Variants in SYNPO2 observed in about 807,000 individuals in gnomAD.
The protein encoded by SYNPO2 is synaptopodin 2.
A neutral mutation model predicts 85.0 loss-of-function variants in SYNPO2; 56 were observed. That is an observed-to-expected ratio of 0.66 (90% CI 0.53 to 0.82). SYNPO2 has a LOEUF of 0.82. Among genes scored for constraint, SYNPO2 ranks in the 40% least tolerant of loss-of-function variants. The pLI, the probability that SYNPO2 is intolerant of heterozygous loss-of-function variation, is 0.00. For synonymous variants in SYNPO2, 602 were observed against 591.1 expected (o/e 1.02, Z -0.27); for missense variants, 1,575 against 1,534.2 (o/e 1.03, Z -0.44).
chr4:118,876,691 TTCTTTCTTTCTTTC>T (rs905998532), intron 1 of SYNPO2, among the ~76,000 whole-genome samples: 2 of 97,462 alleles, frequency 2.1e-5, no homozygotes, highest in Non-Finnish European at 4.4e-5. Context: ...CTTTCTTTCT[TTCTTTCTTTCTTTC>T]TTTCTTTCTT....
rs967727450 is a variant in SYNPO2, at chr4:119,059,621, T to G, written c.*1687T>G. On this transcript the variant is annotated 3_prime_UTR_variant, in exon 5 of 5. Transcript: ENST00000307142. ...GTTTTTTAAAGGTGATAATTTTGCT[T>G]TGTGTTACTTTTTTGCTCTTGAATG... The G allele has an allele frequency of 6.6e-6, 1 of 152,216 alleles. No individual in the cohort carries two copies. The highest frequency in any genetic ancestry group is 2.4e-5 in the African/African-American group (1 of 41,464). The allele number at this position is 152,216 out of a possible 1,614,324, so 9.4% of individuals were successfully genotyped here.
intron 4 of SYNPO2, chr4:119,033,753 TA>T (rs560787924): frequency 2.0e-6 from 2 of 984,932 alleles, no homozygotes; most frequent in Non-Finnish European, 2.4e-6. Context: ...GTCCATATTT[TA>T]AAAAAATCTT....
intron 1 of SYNPO2, among the ~76,000 whole-genome samples, chr4:118,930,988 C>T (rs1023829643): frequency 6.6e-6 from 1 of 151,206 alleles, no homozygotes; most frequent in South Asian, 2.1e-4. Flanking sequence ...ATTCTTTACC[C>T]ACAGGGATGA....
intron 1 of SYNPO2, among the ~76,000 whole-genome samples, chr4:118,941,457 T>C (rs1420596762): frequency 6.6e-6 from 1 of 152,206 alleles, no homozygotes; most frequent in African/African-American, 2.4e-5. Context: ...GAATCAAATA[T>C]TTAATGGCTT....
At chr4:118,927,874 TG>T (rs1229331820) in intron 1 of SYNPO2, among the ~76,000 whole-genome samples, 1 of 152,170 alleles carries the variant, frequency 6.6e-6, no homozygotes, top group Non-Finnish European at 1.5e-5. Flanking sequence ...TGCCTGTATG[TG>T]TTGTACTGGC....
intron 1 of SYNPO2, among the ~76,000 whole-genome samples, chr4:118,947,817 A>G (rs1251042951): frequency 3.3e-5 from 5 of 152,202 alleles, no homozygotes; most frequent in Non-Finnish European, 7.4e-5. Context: ...ACATATAAGT[A>G]ATATATGCCT....
upstream of SYNPO2, among the ~76,000 whole-genome samples, chr4:118,884,244 C>T (rs922684980): frequency 2.0e-4 from 30 of 152,150 alleles, no homozygotes; most frequent in Non-Finnish European, 3.7e-4. Flanking sequence ...TTCTGGCATA[C>T]CCAGAAAGAC....
intron 1 of SYNPO2, among the ~76,000 whole-genome samples, chr4:118,918,541 G>T (rs1733432272): frequency 6.6e-6 from 1 of 152,096 alleles, no homozygotes; most frequent in African/African-American, 2.4e-5. Context: ...TGGAGAATTG[G>T]CTGCAAACTG....
At chr4:119,041,021 A>G (rs1738695652) in intron 4 of SYNPO2, among the ~76,000 whole-genome samples, 1 of 152,240 alleles carries the variant, frequency 6.6e-6, no homozygotes, top group South Asian at 2.1e-4. Context: ...AAACAATTCT[A>G]AGAAGCTGAG....
intron 1 of SYNPO2, among the ~76,000 whole-genome samples, chr4:118,859,251 A>AT (rs1265791505): frequency 6.6e-6 from 1 of 152,138 alleles, no homozygotes; most frequent in African/African-American, 2.4e-5. Context: ...TTATTTTTAA[A>AT]TTTTTTTAAA....
rs574394687 is a variant in SYNPO2 at position 119,049,436 on chromosome 4, G to A, written c.3253-7965G>A. Among the ~76,000 whole-genome samples the A allele has an allele frequency of 2.6e-5, 4 of 152,080 alleles. No individual in the cohort carries two copies. The East Asian group carries it at 5.8e-4, about 22-fold the overall frequency. On this transcript the variant is annotated intron_variant, in intron 4 of 4. Transcript: ENST00000307142. ...ATTGAAATCATATTTATCAGTTGAC[G>A]CCCCTTTCCCTACAGTGCATGTGTA...
chr4:118,919,556 A>ATATTATAGAG (rs1733465177), intron 1 of SYNPO2, among the ~76,000 whole-genome samples: 1 of 152,212 alleles, frequency 6.6e-6, no homozygotes, highest in Non-Finnish European at 1.5e-5. Context: ...AAAAGCTTAC[A>ATATTATAGAG]TATTATAGAG....
At chr4:118,988,287 T>A (rs1256536587) in intron 1 of SYNPO2, among the ~76,000 whole-genome samples, 1 of 152,188 alleles carries the variant, frequency 6.6e-6, no homozygotes, top group Non-Finnish European at 1.5e-5. Context: ...CACTGTCATG[T>A]TTTTATGAAA....
chr4:119,003,006 A>G (rs1736880417), intron 1 of SYNPO2, among the ~76,000 whole-genome samples: 1 of 152,148 alleles, frequency 6.6e-6, no homozygotes, highest in South Asian at 2.1e-4. Context: ...TCTGTTATTT[A>G]GCTGTTGAAC....
At chr4:118,996,960 G>T (rs1736623568) in intron 1 of SYNPO2, among the ~76,000 whole-genome samples, 1 of 150,942 alleles carries the variant, frequency 6.6e-6, no homozygotes. Flanking sequence ...AAGAAAAAAG[G>T]CCGGGCGCGG....
At chr4:119,022,334 C>A (rs868839573) in intron 1 of SYNPO2, among the ~76,000 whole-genome samples, 14 of 151,978 alleles carry the variant, frequency 9.2e-5, no homozygotes, top group Non-Finnish European at 1.5e-4. Flanking sequence ...TTATCATCAT[C>A]ATAATAATAA....
At chr4:119,041,825 A>G (rs1358028959) in intron 4 of SYNPO2, among the ~76,000 whole-genome samples, 6 of 152,120 alleles carry the variant, frequency 3.9e-5, no homozygotes, top group Admixed American at 2.6e-4. Flanking sequence ...AGATTTCCCC[A>G]CCTTAGAGAT....
intron 1 of SYNPO2, among the ~76,000 whole-genome samples, chr4:118,937,027 G>A (rs772829654): frequency 4.6e-5 from 7 of 151,976 alleles, no homozygotes; most frequent in Admixed American, 2.0e-4. Context: ...AGCCACTTGG[G>A]ACTCCTGCAA....
At chr4:119,001,815 TTTC>T (rs544415199) in intron 1 of SYNPO2, among the ~76,000 whole-genome samples, 12 of 152,268 alleles carry the variant, frequency 7.9e-5, no homozygotes, top group East Asian at 3.8e-4. Flanking sequence ...TTTGTCTAGT[TTTC>T]TTCTTATTTC....
Sources: gnomAD v4.1 joint callset for allele counts (sites outside exome capture counted in the v4.1 genomes callset) on GRCh38, gnomAD v4.1.1 for gene constraint, MANE v1.5 for transcripts, NCBI Gene and HGNC (gene_info 2026-07-23, HGNC 2026-07-21) for gene names.